Variants in LRP1B observed in about 807,000 individuals in gnomAD.
The protein encoded by LRP1B is LDL receptor related protein 1B.
In LRP1B, 217 loss-of-function variants were observed where a neutral mutation model predicts 556.6. The ratio of observed to expected loss-of-function variants is 0.39; its 90% CI spans 0.35 to 0.44. The LOEUF (loss-of-function observed/expected upper bound fraction) is 0.44. Ranked by LOEUF, LRP1B falls within the 20% of genes least tolerant of loss-of-function variation. The probability of loss-of-function intolerance (pLI) is 1.00; values close to 1 mark genes in which losing one functional copy is unlikely to be tolerated. For synonymous variants in LRP1B, 2,047 were observed against 1,865.8 expected (o/e 1.10, Z -2.50); for missense variants, 5,053 against 5,620.8 (o/e 0.90, Z 3.23).
chr2:140,776,034 G>T, intron 33 of LRP1B, 64 bp downstream of exon 33: 1 of 1,271,080 alleles, frequency 7.9e-7, no homozygotes, highest in Non-Finnish European at 1.1e-6. Flanking sequence ...GAATTGAGGA[G>T]CTAATATAAA....
intron 1 of LRP1B, among the ~76,000 whole-genome samples, chr2:142,022,293 C>G (rs902009111): frequency 1.8e-4 from 27 of 147,968 alleles, no homozygotes; most frequent in African/African-American, 6.1e-4. Context: ...AAAAAAACAA[C>G]AGTGAAATAC....
chr2:140,767,408 GT>G (rs2104930192), intron 35 of LRP1B, among the ~76,000 whole-genome samples: 1 of 151,956 alleles, frequency 6.6e-6, no homozygotes, highest in South Asian at 2.1e-4. Context: ...CATGAAATAA[GT>G]TTATGATATT....
At chr2:141,239,342 T>A (rs1005284594) in intron 5 of LRP1B, among the ~76,000 whole-genome samples, 2 of 152,078 alleles carry the variant, frequency 1.3e-5, no homozygotes, top group African/African-American at 4.8e-5. Context: ...TGAAGGCGAT[T>A]AAAGAGCAGA....
intron 1 of LRP1B, among the ~76,000 whole-genome samples, chr2:141,898,007 T>C (rs1206597732): frequency 6.6e-6 from 1 of 152,112 alleles, no homozygotes; most frequent in Non-Finnish European, 1.5e-5. Context: ...GGCCCAAATA[T>C]CTCACAGTCT....
At chr2:140,387,261 T>G (rs780848143) in intron 66 of LRP1B, among the ~76,000 whole-genome samples, 1 of 152,114 alleles carries the variant, frequency 6.6e-6, no homozygotes, top group Non-Finnish European at 1.5e-5. Flanking sequence ...GAAATGCAAC[T>G]TACAGAATTC....
intron 43 of LRP1B, among the ~76,000 whole-genome samples, chr2:140,597,883 C>T (rs1279537036): frequency 3.9e-5 from 6 of 152,168 alleles, no homozygotes. Context: ...TCCAGACCTT[C>T]TTCAGTGCAG....
intron 88 of LRP1B, among the ~76,000 whole-genome samples, chr2:140,239,058 T>A (rs2104883646): frequency 6.6e-6 from 1 of 150,992 alleles, no homozygotes; most frequent in East Asian, 2.0e-4. Context: ...ATGTACAAAT[T>A]GGAGATGTAT....
chr2:140,623,039 T>A, intron 41 of LRP1B, among the ~76,000 whole-genome samples: 1 of 152,196 alleles, frequency 6.6e-6, no homozygotes, highest in East Asian at 1.9e-4. Flanking sequence ...TACATATTTT[T>A]AAAAATATGG....
At chr2:141,916,834 C>T (rs1045231967) in intron 1 of LRP1B, among the ~76,000 whole-genome samples, 1 of 152,066 alleles carries the variant, frequency 6.6e-6, no homozygotes, top group Non-Finnish European at 1.5e-5. Context: ...TCACTGTCTG[C>T]GTGATGGGAC....
At chr2:140,748,360 T>TTC (rs1310339378) in intron 35 of LRP1B, among the ~76,000 whole-genome samples, 14 of 117,042 alleles carry the variant, frequency 1.2e-4, no homozygotes, top group South Asian at 4.8e-4. Context: ...ATATATAATA[T>TTC]ATATTTATAT....
chr2:141,633,579 C>G (rs995298622), intron 2 of LRP1B, among the ~76,000 whole-genome samples: 2 of 151,930 alleles, frequency 1.3e-5, no homozygotes, highest in Non-Finnish European at 1.5e-5. Context: ...AATTTAATAG[C>G]CTTTCTATGC....
intron 27 of LRP1B, among the ~76,000 whole-genome samples, chr2:140,863,148 C>G (rs961007107): frequency 6.6e-6 from 1 of 151,634 alleles, no homozygotes; most frequent in African/African-American, 2.4e-5. Flanking sequence ...CTCTGTGTGT[C>G]TGTGTGTGTG....
chr2:141,781,126 C>T (rs1695238572), intron 2 of LRP1B, among the ~76,000 whole-genome samples: 1 of 151,988 alleles, frequency 6.6e-6, no homozygotes, highest in Non-Finnish European at 1.5e-5. Context: ...TCCATTTTTC[C>T]TAGAACTCAA....
At chr2:141,124,767 A>C (rs1023013233) in intron 7 of LRP1B, among the ~76,000 whole-genome samples, 1 of 152,132 alleles carries the variant, frequency 6.6e-6, no homozygotes, top group Admixed American at 6.6e-5. Flanking sequence ...ATTTTGAAAA[A>C]CATTTAAAAG....
intron 1 of LRP1B, among the ~76,000 whole-genome samples, chr2:142,111,295 T>C (rs2122241): frequency 0.043 from 6,556 of 152,150 alleles, 229 homozygotes; most frequent in Non-Finnish European, 0.058. Context: ...TTGTGTATCA[T>C]GGCCAGTGTT....
intron 16 of LRP1B, among the ~76,000 whole-genome samples, chr2:140,991,338 T>C (rs1396094341): frequency 6.6e-6 from 1 of 152,122 alleles, no homozygotes; most frequent in African/African-American, 2.4e-5. Context: ...ATAACAAAAT[T>C]CAAGGTTGCA....
chr2:141,103,542 G>C (rs1700521133), intron 7 of LRP1B, among the ~76,000 whole-genome samples: 1 of 74,960 alleles, frequency 1.3e-5, no homozygotes, highest in African/African-American at 4.3e-5. Context: ...CTCTTAAAAA[G>C]TTCAGCTGGT....
chr2:140,832,706 A>G (rs746456453), intron 31 of LRP1B, among the ~76,000 whole-genome samples: 2 of 152,160 alleles, frequency 1.3e-5, no homozygotes, highest in Non-Finnish European at 2.9e-5. Context: ...TCTTGTGGGT[A>G]GAGAGTTGAT....
At chr2:140,808,875 C>G (rs567106364) in intron 32 of LRP1B, among the ~76,000 whole-genome samples, 1 of 152,262 alleles carries the variant, frequency 6.6e-6, no homozygotes, top group African/African-American at 2.4e-5. Flanking sequence ...AAGCTCTGTT[C>G]AAACACCACT....
Sources: gnomAD v4.1 joint callset for allele counts (sites outside exome capture counted in the v4.1 genomes callset) on GRCh38, gnomAD v4.1.1 for gene constraint, MANE v1.5 for transcripts, NCBI Gene and HGNC (gene_info 2026-07-23, HGNC 2026-07-21) for gene names.